The following AHR variants were observed in gnomAD, a reference collection of about 807,000 sequenced individuals.
The protein encoded by AHR is aryl hydrocarbon receptor.
Under a neutral mutation model 86.8 loss-of-function variants are expected in AHR, and 40 were observed. That is an observed-to-expected ratio of 0.46 (90% CI 0.36 to 0.60). AHR has a LOEUF of 0.60. Among genes scored for constraint, AHR ranks in the 20% least tolerant of loss-of-function variants. The pLI is 0.00. For missense variants in AHR, 1,001 were observed against 1,011.6 expected (o/e 0.99, Z 0.14); for synonymous variants, 398 against 354.9 (o/e 1.12, Z -1.37).
chr7:17,325,232 G>T (rs1782216080), intron 3 of AHR, among the ~76,000 whole-genome samples: 1 of 152,150 alleles, frequency 6.6e-6, no homozygotes, highest in African/African-American at 2.4e-5. Flanking sequence ...AAAAATTGAT[G>T]TGCATCTATC....
At chr7:17,310,265 C>T (rs1782048844) in intron 2 of AHR, 142 bp downstream of exon 2, 1 of 749,460 alleles carries the variant, frequency 1.3e-6, no homozygotes, top group Admixed American at 3.0e-5. Flanking sequence ...AGTGGCAAAG[C>T]CAGATTTATA....
rs1411575098 is a variant in AHR at position 17,340,113 on chromosome 7, C to G, written c.2288C>G (p.Thr763Arg). 1 of 1,614,212 alleles carries G rather than the reference C, an allele frequency of 6.2e-7. No individual in the cohort carries two copies. Among genetic ancestry groups the G allele is most frequent in the South Asian group, 1.1e-5 (1 of 91,086 alleles). The change falls in exon 10 of 11, where the codon ACA (threonine) becomes AGA (arginine). Residue 763 changes from threonine (T) to arginine (R), a missense_variant. Physicochemically the swap from Thr to Arg is moderately conservative, Grantham distance 71. This residue lies in a region of AHR where 607 missense variants were observed against 543.1 expected (regional missense o/e 1.12). Transcript: ENST00000242057. ...NPQSAIITPQ[T>R]CYAGAVSMYQ... ...CAGTCAGCCATAATAACTCCTCAGA[C>G]ATGTTATGCTGGGGCCGTGTCGATG...
Position 17,299,133 on chromosome 7 carries a change from G to C in AHR, c.-132G>C. 1.0e-6 allele frequency: 1 copy of C among 983,180 alleles called. No individual in the cohort carries two copies. Among genetic ancestry groups the C allele is most frequent in the Non-Finnish European group, 1.4e-6 (1 of 700,876 alleles). The allele number at this position is 983,180 out of a possible 1,614,324, so 60.9% of individuals were successfully genotyped here. A position where few individuals can be genotyped will look rare whatever the true frequency, so the allele number is the denominator to read the frequency against. On this transcript the variant is annotated 5_prime_UTR_variant, in exon 1 of 11. Transcript: ENST00000242057. ...CGCGGCGCCCACGCCACTGTCCCGA[G>C]AGGACGCAGGTGGAGCGGGCGCGGC...
At chr7:17,311,523 G>A (rs17137548) in intron 2 of AHR, among the ~76,000 whole-genome samples, 3,039 of 152,208 alleles carry the variant, frequency 0.02, 115 homozygotes, top group African/African-American at 0.069. Flanking sequence ...GATGTGTTTC[G>A]TCTGAGCATC....
intron 2 of AHR, among the ~76,000 whole-genome samples, chr7:17,310,548 T>G (rs1475184268): frequency 1.3e-5 from 2 of 152,032 alleles, no homozygotes; most frequent in Admixed American, 1.3e-4. Flanking sequence ...TTTTTTTTTT[T>G]TTTGAGGCAG....
intron 1 of AHR, among the ~76,000 whole-genome samples, chr7:17,306,655 A>G (rs1782009263): frequency 6.6e-6 from 1 of 152,050 alleles, no homozygotes; most frequent in African/African-American, 2.4e-5. Flanking sequence ...CTTTTCTGGT[A>G]CAGCTCTCAT....
intron 2 of AHR, 104 bp downstream of exon 2, chr7:17,310,227 A>C: frequency 9.0e-7 from 1 of 1,111,482 alleles, no homozygotes; most frequent in Non-Finnish European, 1.2e-6. Context: ...CCGTATTTGG[A>C]AAATTTATTG....
Position 17,339,360 on chromosome 7 carries a change from A to G in AHR, c.1535A>G (p.Glu512Gly), listed in dbSNP as rs1782392188. ...PMGNDTILKH[E>G]QIDQPQDVNS... ...GGAAATGATACTATCCTGAAACATG[A>G]GCAAATTGACCAGCCTCAGGATGTG... is the stretch of plus-strand genomic sequence containing the variant. Residue 512 changes from glutamate to glycine, a missense_variant, in exon 10 of 11, where the codon GAG becomes GGG. By Grantham distance (98) the Glu-to-Gly change is moderately conservative. Around this residue, in one of 2 missense-constraint regions of AHR, gnomAD observed 607 missense variants for 543.1 expected, o/e 1.12. Transcript: ENST00000242057. 1 of 1,614,208 alleles carries G rather than the reference A, an allele frequency of 6.2e-7. No homozygotes were observed. Among genetic ancestry groups the G allele is most frequent in the Non-Finnish European group, 8.5e-7 (1 of 1,180,024 alleles).
At position 17,340,054 on chromosome 7, in the gene AHR, A is replaced by G; in HGVS notation, c.2229A>G (p.Gln743=). Residue 743 remains glutamine (Q), a synonymous_variant, in exon 10 of 11, where the codon CAA becomes CAG. Coordinates refer to ENST00000242057, the MANE Select transcript of AHR (RefSeq NM_001621.5). ...TAGAAGATTTTGTCACTTGTTTACA[A>G]CTTCCTGAAAACCAAAAGCATGGAT... The part of the protein sequence containing the change: ...SSLEDFVTCL[Q]LPENQKHGLN... The G allele has an allele frequency of 6.2e-7, 1 of 1,614,164 alleles. No individual in the cohort carries two copies. Among genetic ancestry groups the G allele is most frequent in the Non-Finnish European group, 8.5e-7 (1 of 1,180,024 alleles).
intron 4 of AHR, among the ~76,000 whole-genome samples, chr7:17,328,311 CAGGT>C (rs1782250232): frequency 6.6e-6 from 1 of 151,840 alleles, no homozygotes; most frequent in Non-Finnish European, 1.5e-5. Flanking sequence ...TAATGTGTAA[CAGGT>C]GGGTGGTCAA....
chr7:17,321,594 T>TACACACATAC (rs1782173358), intron 2 of AHR, among the ~76,000 whole-genome samples: 1 of 147,636 alleles, frequency 6.8e-6, no homozygotes, highest in Non-Finnish European at 1.5e-5. Flanking sequence ...ACCACACACA[T>TACACACATAC]ACACACACAC....
intron 9 of AHR, among the ~76,000 whole-genome samples, chr7:17,337,866 A>G (rs1243425811): frequency 6.6e-6 from 1 of 151,226 alleles, no homozygotes; most frequent in Non-Finnish European, 1.5e-5. Flanking sequence ...TCTCTCTCAG[A>G]CTCTATTGGA....
chr7:17,330,439 T>C (rs1338730688), intron 5 of AHR, among the ~76,000 whole-genome samples: 1 of 151,940 alleles, frequency 6.6e-6, no homozygotes, highest in East Asian at 1.9e-4. Context: ...CATATGCAAG[T>C]ATAAAAATGC....
intron 2 of AHR, among the ~76,000 whole-genome samples, chr7:17,312,468 A>G (rs1433386631): frequency 6.6e-6 from 1 of 152,308 alleles, no homozygotes; most frequent in East Asian, 1.9e-4. Context: ...ATAAACAGAT[A>G]TATTTCTATA....
rs1782476192 is a variant in AHR, at chr7:17,345,721, TATA to T, written c.*2659_*2661del. 1 of 152,632 alleles carries T rather than the reference TATA, an allele frequency of 6.6e-6. No homozygotes were observed. The highest frequency in any genetic ancestry group is 2.4e-5 in the African/African-American group (1 of 41,458). 9.5% of individuals were successfully genotyped at this position (152,632 alleles called of 1,614,324 possible). The stretch of plus-strand genomic sequence containing the variant: ...AAGCAATATTGTATATTTTTATCTA[TATA>T]AAATAACTAAAATGTATCTAAGAAT... On this transcript the variant is annotated 3_prime_UTR_variant, in exon 11 of 11. Transcript: ENST00000242057.
chr7:17,301,578 A>G (rs540219448), intron 1 of AHR, among the ~76,000 whole-genome samples: 1 of 152,102 alleles, frequency 6.6e-6, no homozygotes, highest in East Asian at 1.9e-4. Flanking sequence ...ATTTTATGGA[A>G]TATAAGTATT....
At chr7:17,301,867 C>T (rs1361708405) in intron 1 of AHR, among the ~76,000 whole-genome samples, 2 of 151,876 alleles carry the variant, frequency 1.3e-5, no homozygotes, top group African/African-American at 4.8e-5. Context: ...CATGTTCCTA[C>T]CTTCAAGAAG....
chr7:17,303,734 A>G (rs934848389), intron 1 of AHR, among the ~76,000 whole-genome samples: 2 of 151,984 alleles, frequency 1.3e-5, no homozygotes, highest in African/African-American at 4.8e-5. Flanking sequence ...TTTTAATGCA[A>G]ATTTATTTTT....
At chr7:17,319,526 A>T (rs1044190783) in intron 2 of AHR, among the ~76,000 whole-genome samples, 1 of 152,120 alleles carries the variant, frequency 6.6e-6, no homozygotes, top group Non-Finnish European at 1.5e-5. Context: ...TGTCAGTCTC[A>T]TAGAACTATT....
Sources: allele counts gnomAD v4.1 joint callset (sites outside exome capture counted in the v4.1 genomes callset), GRCh38; gene constraint gnomAD v4.1.1; regional missense constraint gnomAD v4.1.1; transcripts MANE v1.5; gene names NCBI Gene and HGNC (gene_info 2026-07-23, HGNC 2026-07-21).